The following CTTNBP2 variants were observed in gnomAD, a reference collection of about 807,000 sequenced individuals.
CTTNBP2 encodes cortactin-binding protein 2.
CTTNBP2 carries 108 observed loss-of-function variants against 156.9 expected under a neutral mutation model. The observed-to-expected ratio is 0.69, with a 90% confidence interval of 0.59 to 0.81. The LOEUF (loss-of-function observed/expected upper bound fraction) is 0.81. CTTNBP2 is among the 30% of genes least tolerant of loss of function. The pLI is 0.00. For missense variants in CTTNBP2, 1,924 were observed against 2,035.4 expected (o/e 0.95, Z 1.05); for synonymous variants, 767 against 751.8 (o/e 1.02, Z -0.33).
chr7:117,846,454 T>C (rs954748282), intron 2 of CTTNBP2, among the ~76,000 whole-genome samples: 1 of 152,038 alleles, frequency 6.6e-6, no homozygotes. Flanking sequence ...GAAAAGGAAG[T>C]ATAACTTTCT....
intron 1 of CTTNBP2, among the ~76,000 whole-genome samples, chr7:117,864,744 A>G (rs1316630217): frequency 7.0e-6 from 1 of 143,538 alleles, no homozygotes; most frequent in Non-Finnish European, 1.5e-5. Context: ...ATATATATTC[A>G]TTCAATATAT....
In CTTNBP2 at chr7:117,810,494, T is replaced by C. The variant is rs569036063; in HGVS notation, c.414+271A>G. On this transcript the variant is annotated intron_variant, in intron 3 of 22. Coordinates refer to ENST00000160373, the MANE Select transcript of CTTNBP2 (RefSeq NM_033427.3). ...GCACTAGGAAGTCCAAAAACATATA[T>C]ATAGAGAGAGATTTTAAAGAAAGTA... Among the ~76,000 whole-genome samples, 5 of 152,248 alleles carry C rather than the reference T, an allele frequency of 3.3e-5. No individual in the cohort carries two copies. In the South Asian group the frequency reaches 1.0e-3, roughly 32 times the overall value.
Position 117,741,258 on chromosome 7 carries a change from A to G in CTTNBP2, c.3535+4573T>C, listed in dbSNP as rs1381415213. Among the ~76,000 whole-genome samples the G allele has an allele frequency of 2.0e-5, 3 of 152,172 alleles. No homozygotes were observed. In the South Asian group the frequency reaches 6.2e-4, roughly 32 times the overall value. The stretch of plus-strand genomic sequence containing the variant: ...AGAGGAAGCAGATTCCACAGAGCTT[A>G]GGGACTGCCTAGATATGGGGAGTGA... On this transcript the variant is annotated intron_variant, in intron 14 of 22. Coordinates refer to ENST00000160373, the MANE Select transcript of CTTNBP2 (RefSeq NM_033427.3).
chr7:117,803,298 A>G, intron 3 of CTTNBP2, among the ~76,000 whole-genome samples: 1 of 152,202 alleles, frequency 6.6e-6, no homozygotes. Context: ...AGAACAGAAA[A>G]CCAAATACCA....
At chr7:117,825,607 G>A (rs1482299558) in intron 2 of CTTNBP2, among the ~76,000 whole-genome samples, 3 of 152,028 alleles carry the variant, frequency 2.0e-5, no homozygotes, top group Non-Finnish European at 4.4e-5. Flanking sequence ...TAGAGGGATG[G>A]GCTCAGAGGT....
chr7:117,852,481 G>C (rs1382971786), intron 2 of CTTNBP2, among the ~76,000 whole-genome samples: 1 of 152,002 alleles, frequency 6.6e-6, no homozygotes, highest in African/African-American at 2.4e-5. Flanking sequence ...CTAAACTCAG[G>C]TTATGCAGCA....
intron 2 of CTTNBP2, among the ~76,000 whole-genome samples, chr7:117,854,666 TA>T (rs1803145317): frequency 6.6e-6 from 1 of 152,234 alleles, no homozygotes; most frequent in African/African-American, 2.4e-5. Context: ...ATTTTCAGAA[TA>T]ATTACTTTTA....
At chr7:117,730,041 T>C (rs773254040) in intron 16 of CTTNBP2, among the ~76,000 whole-genome samples, 22 of 152,154 alleles carry the variant, frequency 1.4e-4, no homozygotes, top group Non-Finnish European at 2.8e-4. Context: ...TATGTAACTG[T>C]TACTAATTCA....
At chr7:117,747,766 C>T (rs1796414720) in intron 12 of CTTNBP2, among the ~76,000 whole-genome samples, 1 of 152,182 alleles carries the variant, frequency 6.6e-6, no homozygotes, top group Admixed American at 6.5e-5. Flanking sequence ...GAGCGAAACC[C>T]TGTCTCAAGG....
intron 2 of CTTNBP2, among the ~76,000 whole-genome samples, chr7:117,816,276 A>G (rs1800570330): frequency 6.6e-6 from 1 of 152,232 alleles, no homozygotes; most frequent in African/African-American, 2.4e-5. Context: ...GGAGAACTAC[A>G]GGGTATATCA....
chr7:117,751,973 G>GCAA (rs1365122721), intron 12 of CTTNBP2, among the ~76,000 whole-genome samples: 4 of 152,084 alleles, frequency 2.6e-5, no homozygotes, highest in African/African-American at 9.7e-5. Context: ...CTCATATCAG[G>GCAA]CAACCAGCTG....
chr7:117,789,788 T>A (rs1373791172), intron 4 of CTTNBP2, among the ~76,000 whole-genome samples: 1 of 151,856 alleles, frequency 6.6e-6, no homozygotes, highest in African/African-American at 2.4e-5. Flanking sequence ...ACAGCCACCC[T>A]CCCCCATATG....
Position 117,754,970 on chromosome 7 carries a change from C to T in CTTNBP2, c.3348+1585G>A, listed in dbSNP as rs553301929. Among the ~76,000 whole-genome samples the T allele has an allele frequency of 5.3e-5, 8 of 152,244 alleles. No homozygotes were observed. The East Asian group carries it at 1.2e-3, about 22-fold the overall frequency. Reference sequence around the variant, plus strand: ...CCCTGGGTCAGAACCTTGCCTTGTACGGAGAAGCTGACAAGGGGGAAGGGG... The same window carrying T: ...CCCTGGGTCAGAACCTTGCCTTGTATGGAGAAGCTGACAAGGGGGAAGGGG... On this transcript the variant is annotated intron_variant, in intron 12 of 22. Coordinates refer to ENST00000160373, the MANE Select transcript of CTTNBP2 (RefSeq NM_033427.3).
Position 117,791,516 on chromosome 7 carries a change from G to A in CTTNBP2, c.1680C>T (p.His560=). ...PGLSQTPSPP[H]PQLKVIIDSS... is the part of the protein sequence containing the mutation. ...TGTCTATAATAACCTTGAGTTGGGG[G>A]TGTGGTGGAGAAGGAGTTTGGGAGA... The change falls in exon 4 of 23, where the codon CAC becomes CAT. Residue 560 remains histidine, a synonymous_variant. Coordinates refer to ENST00000160373, the MANE Select transcript of CTTNBP2 (RefSeq NM_033427.3). The A allele has an allele frequency of 2.5e-6, 4 of 1,614,218 alleles. No homozygotes were observed. The highest frequency in any genetic ancestry group is 3.4e-6 in the Non-Finnish European group (4 of 1,180,030).
Position 117,777,554 on chromosome 7 carries a change from T to G in CTTNBP2, c.2735A>C (p.Glu912Ala). ...AGCAATGTGGGCAGCAGTCCAGCCT[T>G]CTCTGTTGGCGTGGTTAATGAGGTC... is the stretch of plus-strand genomic sequence containing the variant. ...PADLINHANREGWTAAHIAAS... is the reference protein window; with the variant it reads ...PADLINHANRAGWTAAHIAAS... The change falls in exon 8 of 23, where the codon GAA becomes GCA. Residue 912 changes from glutamate (E) to alanine (A), a missense_variant. By Grantham distance (107) the Glu-to-Ala change is moderately radical. Coordinates refer to ENST00000160373, the MANE Select transcript of CTTNBP2 (RefSeq NM_033427.3). 1 of 1,613,782 alleles carries G rather than the reference T, an allele frequency of 6.2e-7. No homozygotes were observed. Among genetic ancestry groups the G allele is most frequent in the South Asian group, 1.1e-5 (1 of 91,056 alleles).
At chr7:117,818,307 T>C (rs987937879) in intron 2 of CTTNBP2, among the ~76,000 whole-genome samples, 3 of 152,144 alleles carry the variant, frequency 2.0e-5, no homozygotes, top group African/African-American at 7.2e-5. Context: ...AAACCAGCAT[T>C]AATATAGATC....
chr7:117,755,424 G>C (rs1796831477), intron 12 of CTTNBP2: 1 of 333,410 alleles, frequency 3.0e-6, no homozygotes, highest in African/African-American at 2.2e-5. Context: ...CGAAATTAAG[G>C]CAGCAAGCAA....
intron 10 of CTTNBP2, among the ~76,000 whole-genome samples, chr7:117,759,956 C>T (rs1216300117): frequency 6.6e-6 from 1 of 152,186 alleles, no homozygotes; most frequent in Admixed American, 6.5e-5. Context: ...TAACCAATTA[C>T]CACCCTGATT....
At chr7:117,787,075 G>C (rs1318211835) in intron 4 of CTTNBP2, among the ~76,000 whole-genome samples, 1 of 152,072 alleles carries the variant, frequency 6.6e-6, no homozygotes, top group Non-Finnish European at 1.5e-5. Context: ...ATGTTGTCTA[G>C]CATAGACAAG....
Sources: gnomAD v4.1 joint callset for allele counts (sites outside exome capture counted in the v4.1 genomes callset) on GRCh38, gnomAD v4.1.1 for gene constraint, MANE v1.5 for transcripts, NCBI Gene and HGNC (gene_info 2026-07-23, HGNC 2026-07-21) for gene names.